The following EP400 variants were observed in gnomAD, a reference collection of about 807,000 sequenced individuals.
The protein encoded by EP400 is E1A binding protein p400.
Under a neutral mutation model 354.1 loss-of-function variants are expected in EP400, and 105 were observed. The ratio of observed to expected loss-of-function variants is 0.30; its 90% CI spans 0.25 to 0.35. The LOEUF is 0.35. Ranked by LOEUF, EP400 falls within the 10% of genes least tolerant of loss-of-function variation. The pLI, the probability that EP400 is intolerant of heterozygous loss-of-function variation, is 1.00. For synonymous variants in EP400, 1,646 were observed against 1,716.9 expected (o/e 0.96, Z 1.02); for missense variants, 3,280 against 4,121.0 (o/e 0.80, Z 5.59).
intron 51 of EP400, among the ~76,000 whole-genome samples, chr12:132,074,591 G>GT (rs1555224004): frequency 6.6e-6 from 1 of 152,182 alleles, no homozygotes; most frequent in Admixed American, 6.5e-5. Context: ...AGCAGCCACT[G>GT]TTTGTTTACG....
In EP400 at chr12:132,064,969, T is replaced by C. The variant is rs577734567; in HGVS notation, c.8553+83T>C. 3 of 1,512,652 alleles carry C rather than the reference T, an allele frequency of 2.0e-6. No homozygotes were observed. The South Asian group carries it at 3.7e-5, about 19-fold the overall frequency. 93.7% of individuals were successfully genotyped at this position (1,512,652 alleles called of 1,614,324 possible). A position where few individuals can be genotyped will look rare whatever the true frequency, so the allele number is the denominator to read the frequency against. On this transcript the variant is annotated intron_variant, in intron 48 of 52. Coordinates refer to ENST00000389561, the MANE Select transcript of EP400 (RefSeq NM_015409.5). ...GCTGTTGCGCTTGCTCAGGTGCGTGTCACGTGTTACAGGAGTGAGTGTGAG... is the reference window on the plus strand; with the variant it reads ...GCTGTTGCGCTTGCTCAGGTGCGTGCCACGTGTTACAGGAGTGAGTGTGAG...
At position 132,045,871 on chromosome 12, in the gene EP400, A is replaced by G; in HGVS notation, c.7171A>G (p.Asn2391Asp). 6.2e-7 allele frequency: 1 copy of G among 1,614,214 alleles called. No individual in the cohort carries two copies. ...CAAACAGTGCCGGAATCGCTACGAG[A>G]ATGTCATCATTCCACGAGAGGAGGG... The part of the protein sequence containing the change: ...SSKQCRNRYE[N>D]VIIPREEGKS... Residue 2391 changes from asparagine (N) to aspartate (D), a missense_variant, in exon 39 of 53, where the codon AAT (asparagine) becomes GAT (aspartate). This residue lies in a region of EP400 where 84 missense variants were observed against 133.0 expected (regional missense o/e 0.63). Coordinates refer to ENST00000389561, the MANE Select transcript of EP400 (RefSeq NM_015409.5).
At chr12:131,955,931 T>A (rs923051613) in intron 1 of EP400, among the ~76,000 whole-genome samples, 1 of 152,078 alleles carries the variant, frequency 6.6e-6, no homozygotes, top group Non-Finnish European at 1.5e-5. Context: ...CAGGCATGAG[T>A]CACTGCACCC....
Position 132,013,646 on chromosome 12 carries a change from G to T in EP400, c.3768G>T (p.Val1256=). ...SEESQDYYHK[V]VIRLHRVTQP... The stretch of plus-strand genomic sequence containing the variant: ...AGAGCCAGGATTACTACCATAAAGT[G>T]GTCATAAGGTTACACAGGGTAGGTT... Residue 1256 remains valine, a synonymous_variant, in exon 18 of 53, where the codon GTG becomes GTT. Coordinates refer to ENST00000389561, the MANE Select transcript of EP400 (RefSeq NM_015409.5). This position sits in a 1 kb window ranked among gnomAD's most constrained non-coding sequence, Gnocchi z 4.5. 1 of 1,611,308 alleles carries T rather than the reference G, an allele frequency of 6.2e-7. No homozygotes were observed. Among genetic ancestry groups the T allele is most frequent in the Non-Finnish European group, 8.5e-7 (1 of 1,178,520 alleles).
rs747119266 is a variant in EP400 at position 132,050,138 on chromosome 12, G to A, written c.7201-185G>A. The stretch of plus-strand genomic sequence containing the variant: ...GGAGAGTGTCACAGCAGTCGGCCGC[G>A]ACAGCCACTTAATGCCGCTGCTGTT... On this transcript the variant is annotated intron_variant, in intron 39 of 52. Coordinates refer to ENST00000389561, the MANE Select transcript of EP400 (RefSeq NM_015409.5). The surrounding 1 kb of genome is among the most constrained non-coding windows in gnomAD (Gnocchi z 4.8). Among the ~76,000 whole-genome samples, 5 of 152,168 alleles carry A rather than the reference G, an allele frequency of 3.3e-5. No individual in the cohort carries two copies. The highest frequency in any genetic ancestry group is 7.3e-5 in the Non-Finnish European group (5 of 68,038).
intron 35 of EP400, 141 bp from the exon 36 acceptor site, chr12:132,044,529 TA>T: frequency 8.2e-7 from 1 of 1,212,738 alleles, no homozygotes; most frequent in Non-Finnish European, 1.2e-6. Flanking sequence ...CAGCTCTGAT[TA>T]AAACATTTAT....
chr12:131,991,254 C>G (rs113483061), intron 9 of EP400, among the ~76,000 whole-genome samples, 153 bp from the exon 10 acceptor site: 1 of 152,342 alleles, frequency 6.6e-6, no homozygotes, highest in African/African-American at 2.4e-5. Context: ...GTAAAAACCA[C>G]TGCCCTGCGT....
intron 48 of EP400, chr12:132,066,158 T>C (rs1291475510): frequency 6.6e-6 from 1 of 152,232 alleles, no homozygotes; most frequent in Non-Finnish European, 1.5e-5. Flanking sequence ...ATGTCATTTT[T>C]GCACACTTTC....
chr12:132,046,804 G>A (rs987072943), intron 39 of EP400, among the ~76,000 whole-genome samples: 3 of 152,190 alleles, frequency 2.0e-5, no homozygotes, highest in South Asian at 2.1e-4. Flanking sequence ...CACCAGCAGC[G>A]TCTGCATGCT....
Position 132,045,874 on chromosome 12 carries a change from G to A in EP400, c.7174G>A (p.Val2392Ile). The change falls in exon 39 of 53, where the codon GTC becomes ATC. Residue 2392 changes from valine to isoleucine, a missense_variant. Physicochemically the swap from Val to Ile is conservative, Grantham distance 29 (BLOSUM62 3). Transcript: ENST00000389561. ...SKQCRNRYEN[V>I]IIPREEGKSK... Reference sequence around the variant, plus strand: ...ACAGTGCCGGAATCGCTACGAGAATGTCATCATTCCACGAGAGGAGGGGAA... The same window carrying A: ...ACAGTGCCGGAATCGCTACGAGAATATCATCATTCCACGAGAGGAGGGGAA... 2.5e-6 allele frequency: 4 copies of A among 1,614,244 alleles called. No homozygotes were observed. Among genetic ancestry groups the A allele is most frequent in the Middle Eastern group, 1.6e-4 (1 of 6,062 alleles).
intron 5 of EP400, among the ~76,000 whole-genome samples, chr12:131,984,515 G>A (rs967856350): frequency 6.6e-6 from 1 of 152,132 alleles, no homozygotes; most frequent in Non-Finnish European, 1.5e-5. Context: ...CACATGCCAG[G>A]GCAGCTGAGC....
intron 47 of EP400, among the ~76,000 whole-genome samples, chr12:132,062,963 T>C (rs1166657136): frequency 6.6e-6 from 1 of 152,226 alleles, no homozygotes; most frequent in Non-Finnish European, 1.5e-5. Flanking sequence ...TGCGTCTTCT[T>C]GCTTAGGCGT....
chr12:132,061,431 C>G (rs1565932586), intron 45 of EP400, among the ~76,000 whole-genome samples: 1 of 152,230 alleles, frequency 6.6e-6, no homozygotes, highest in East Asian at 1.9e-4. Flanking sequence ...TCAAGAGAAA[C>G]TAAAAATACA....
At position 132,027,909 on chromosome 12, in the gene EP400, A is replaced by G; in HGVS notation, c.5110-108A>G. The G allele has an allele frequency of 8.6e-7, 1 of 1,165,246 alleles. No individual in the cohort carries two copies. The highest frequency in any genetic ancestry group is 1.2e-6 in the Non-Finnish European group (1 of 817,740). 72.2% of individuals were successfully genotyped at this position (1,165,246 alleles called of 1,614,324 possible). A position where few individuals can be genotyped will look rare whatever the true frequency, so the allele number is the denominator to read the frequency against. ...CTGTAACACAAGACCGGGGATATTG[A>G]AGTGGATCTCATATGTGGGAAATCA... is the stretch of plus-strand genomic sequence containing the variant. On this transcript the variant is annotated intron_variant, in intron 26 of 52. Coordinates refer to ENST00000389561, the MANE Select transcript of EP400 (RefSeq NM_015409.5). This position sits in a 1 kb window ranked among gnomAD's most constrained non-coding sequence, Gnocchi z 4.9.
intron 12 of EP400, 65 bp downstream of exon 12, chr12:131,995,021 G>A: frequency 1.4e-6 from 2 of 1,449,118 alleles, no homozygotes; most frequent in Middle Eastern, 1.8e-4. Context: ...CATGTGAGAT[G>A]TGAATAATAA....
intron 22 of EP400, 125 bp from the exon 23 acceptor site, chr12:132,020,954 A>G: frequency 7.7e-7 from 1 of 1,306,844 alleles, no homozygotes. Context: ...TTTCCTTAAG[A>G]GGGGACTTCT....
At position 131,986,646 on chromosome 12, in the gene EP400, G is replaced by A. The variant is rs1177278640; in HGVS notation, c.2062G>A (p.Val688Ile). Reference protein sequence around the residue: ...PGPSPARSSPVNRPSSATNKA... With the variant: ...PGPSPARSSPINRPSSATNKA... ...ACCCTCCCCTGCTCGATCCTCTCCA[G>A]TAAATAGACCTTCCTCAGCCACCAA... is the stretch of plus-strand genomic sequence containing the variant. The change falls in exon 6 of 53, where the codon GTA (valine) becomes ATA (isoleucine). Residue 688 changes from valine to isoleucine, a missense_variant. By Grantham distance (29) the Val-to-Ile change is conservative. Coordinates refer to ENST00000389561, the MANE Select transcript of EP400 (RefSeq NM_015409.5). 1 of 1,613,930 alleles carries A rather than the reference G, an allele frequency of 6.2e-7. No individual in the cohort carries two copies. Among genetic ancestry groups the A allele is most frequent in the Non-Finnish European group, 8.5e-7 (1 of 1,180,032 alleles).
In EP400 at chr12:132,077,789, A is replaced by C. The variant is rs1896282753; in HGVS notation, c.*116A>C. On this transcript the variant is annotated 3_prime_UTR_variant, in exon 53 of 53. Coordinates refer to ENST00000389561, the MANE Select transcript of EP400 (RefSeq NM_015409.5). ...AGAGATTCAGCACTGGGAAAGATAT[A>C]ATTGAAACAAAATAGTGTAATCATT... is the stretch of plus-strand genomic sequence containing the variant. 1.6e-6 allele frequency: 2 copies of C among 1,243,316 alleles called. No homozygotes were observed. The highest frequency in any genetic ancestry group is 5.1e-5 in the East Asian group (2 of 39,234). 77.0% of individuals were successfully genotyped at this position (1,243,316 alleles called of 1,614,324 possible).
In EP400 at chr12:132,029,497, T is replaced by G. The variant is rs1284637991; in HGVS notation, c.5382-204T>G. ...CTGTCTGAATTAGTCCCCGAGGTGG[T>G]GGTTATTGGCCAGGACTGGTTAGGA... On this transcript the variant is annotated intron_variant, in intron 27 of 52. Coordinates refer to ENST00000389561, the MANE Select transcript of EP400 (RefSeq NM_015409.5). The surrounding 1 kb of genome is among the most constrained non-coding windows in gnomAD (Gnocchi z 4.7). 1 of 605,610 alleles carries G rather than the reference T, an allele frequency of 1.7e-6. No individual in the cohort carries two copies. Among genetic ancestry groups the G allele is most frequent in the Non-Finnish European group, 2.9e-6 (1 of 342,512 alleles). The allele number at this position is 605,610 out of a possible 1,614,324, so 37.5% of individuals were successfully genotyped here.
Sources: gnomAD v4.1 joint callset for allele counts (sites outside exome capture counted in the v4.1 genomes callset) on GRCh38, gnomAD v4.1.1 for gene constraint, gnomAD v4.1.1 regional missense constraint, Gnocchi (gnomAD v3.1) non-coding constraint, MANE v1.5 for transcripts, NCBI Gene and HGNC (gene_info 2026-07-23, HGNC 2026-07-21) for gene names.